Variants in ZBTB46 observed in about 807,000 individuals in gnomAD.
ZBTB46 encodes the protein zinc finger and BTB domain containing 46.
ZBTB46 carries 8 observed loss-of-function variants against 44.1 expected under a neutral mutation model. The ratio of observed to expected loss-of-function variants is 0.18; its 90% CI spans 0.11 to 0.33. The LOEUF is 0.33. Among genes scored for constraint, ZBTB46 ranks in the 10% least tolerant of loss-of-function variants. The pLI, the probability that ZBTB46 is intolerant of heterozygous loss-of-function variation, is 1.00. For missense variants in ZBTB46, 651 were observed against 847.7 expected, an observed-to-expected ratio of 0.77 and a Z score of 2.88; for synonymous variants, 409 against 382.3, an observed-to-expected ratio of 1.07 and a Z score of -0.81.
chr20:63,762,526 C>T (rs1285527144), intron 3 of ZBTB46, among the ~76,000 whole-genome samples: 3 of 151,954 alleles, frequency 2.0e-5, no homozygotes, highest in Admixed American at 6.6e-5. Flanking sequence ...TGGTGGCACG[C>T]GCCTGTACTG....
chr20:63,772,740 CA>C (rs1568850252), intron 3 of ZBTB46, among the ~76,000 whole-genome samples: 10 of 83,988 alleles, frequency 1.2e-4, no homozygotes, highest in African/African-American at 5.1e-4. Flanking sequence ...CACACACACA[CA>C]CACACACACA....
chr20:63,758,889 G>A (rs143281284), intron 3 of ZBTB46, among the ~76,000 whole-genome samples: 3,467 of 140,730 alleles, frequency 0.025, 117 homozygotes, highest in African/African-American at 0.087. Flanking sequence ...CCGCCACCAC[G>A]CCCGGCTAAT....
Position 63,800,974 on chromosome 20 carries a change from T to A in ZBTB46, c.-33-10184A>T, listed in dbSNP as rs1016594942. 3.3e-5 allele frequency among the ~76,000 whole-genome samples: 5 copies of A among 152,318 alleles called. No individual in the cohort carries two copies. In the Middle Eastern group the frequency reaches 0.017, roughly 518 times the overall value. On this transcript the variant is annotated intron_variant, in intron 1 of 4. Coordinates refer to ENST00000245663, the MANE Select transcript of ZBTB46 (RefSeq NM_001369741.1). Reference sequence around the variant, plus strand: ...CCTGCAGCCCCAGTGCCGGATCCACTCGGTGAAGACAGCTGGGCTCCTGAG... The same window carrying A: ...CCTGCAGCCCCAGTGCCGGATCCACACGGTGAAGACAGCTGGGCTCCTGAG...
rs930969125 is a variant in ZBTB46, at chr20:63,752,083, C to T, written c.1398+603G>A. Among the ~76,000 whole-genome samples, 5 of 152,104 alleles carry T rather than the reference C, an allele frequency of 3.3e-5. No homozygotes were observed. The highest frequency in any genetic ancestry group is 5.9e-5 in the Non-Finnish European group (4 of 68,014). ...CTCGGGGTGGGCGTTCCAGGACTCC[C>T]CGAACCCTTGGGGCCGCCCCGCTCT... On this transcript the variant is annotated intron_variant, in intron 4 of 4. Transcript: ENST00000245663. The surrounding 1 kb of genome is among the most constrained non-coding windows in gnomAD (Gnocchi z 5.6).
chr20:63,768,228 G>T, intron 3 of ZBTB46: 2 of 666,378 alleles, frequency 3.0e-6, no homozygotes, highest in Middle Eastern at 7.6e-4. Context: ...AATGAGAAAC[G>T]ACTCGTGTGG....
At chr20:63,805,500 G>T (rs1002375392) in intron 1 of ZBTB46, among the ~76,000 whole-genome samples, 1 of 152,116 alleles carries the variant, frequency 6.6e-6, no homozygotes, top group Non-Finnish European at 1.5e-5. Flanking sequence ...AGGAGAGAAG[G>T]TCATGTGACC....
intron 4 of ZBTB46, among the ~76,000 whole-genome samples, chr20:63,749,912 G>A (rs1210838740): frequency 6.6e-6 from 1 of 152,252 alleles, no homozygotes; most frequent in African/African-American, 2.4e-5. Context: ...GCCCTGGAAG[G>A]AAGCAAGAAG....
intron 4 of ZBTB46, among the ~76,000 whole-genome samples, chr20:63,748,205 T>C (rs2092123598): frequency 1.3e-5 from 2 of 152,060 alleles, no homozygotes; most frequent in Middle Eastern, 3.2e-3. Context: ...GAGGAGGAGG[T>C]GTGGCTGCCA....
At chr20:63,815,604 G>GGTGCA (rs2092746851) in intron 1 of ZBTB46, among the ~76,000 whole-genome samples, 1 of 149,158 alleles carries the variant, frequency 6.7e-6, no homozygotes, top group African/African-American at 2.5e-5. Flanking sequence ...AGTGGGTGCA[G>GGTGCA]GTGGGCACAG....
intron 1 of ZBTB46, among the ~76,000 whole-genome samples, chr20:63,806,420 A>AAAG (rs2092681961): frequency 6.9e-6 from 1 of 145,400 alleles, no homozygotes; most frequent in East Asian, 2.4e-4. Flanking sequence ...AAAAAAAAAA[A>AAAG]AAAGAAAGAA....
intron 1 of ZBTB46, among the ~76,000 whole-genome samples, chr20:63,830,238 A>G (rs1288167169): frequency 6.6e-6 from 1 of 152,204 alleles, no homozygotes; most frequent in Admixed American, 6.5e-5. Flanking sequence ...AACCCCAACT[A>G]GCAGGAGCCC....
At chr20:63,818,466 G>T (rs1045552826) in intron 1 of ZBTB46, among the ~76,000 whole-genome samples, 5 of 152,210 alleles carry the variant, frequency 3.3e-5, no homozygotes, top group African/African-American at 1.2e-4. Context: ...CGGACCCCCA[G>T]GGCATGTTCT....
At chr20:63,792,936 C>T (rs2145940397) in intron 1 of ZBTB46, among the ~76,000 whole-genome samples, 1 of 152,344 alleles carries the variant, frequency 6.6e-6, no homozygotes, top group Admixed American at 6.5e-5. Flanking sequence ...GGGCCATCCC[C>T]TCCTTGGATG....
intron 1 of ZBTB46, chr20:63,815,216 G>C: frequency 4.2e-6 from 1 of 239,906 alleles, no homozygotes; most frequent in South Asian, 3.9e-5. Flanking sequence ...GTGGGCACGA[G>C]TGCAAGTGCA....
chr20:63,764,029 T>A (rs762869630), intron 3 of ZBTB46, among the ~76,000 whole-genome samples: 6 of 151,886 alleles, frequency 4.0e-5, no homozygotes, highest in Admixed American at 1.3e-4. Flanking sequence ...AGTGCAGCAG[T>A]GCAGCCACAA....
chr20:63,822,004 C>T (rs1224031818), intron 1 of ZBTB46, among the ~76,000 whole-genome samples: 2 of 152,194 alleles, frequency 1.3e-5, no homozygotes, highest in African/African-American at 4.8e-5. Flanking sequence ...CCCAGCCAGT[C>T]ACTCAGCACA....
At chr20:63,822,989 C>T (rs1600727323) in intron 1 of ZBTB46, among the ~76,000 whole-genome samples, 1 of 102,770 alleles carries the variant, frequency 9.7e-6, no homozygotes, top group Non-Finnish European at 1.9e-5. Flanking sequence ...GGACAAACCC[C>T]GTCTGTACTA....
At position 63,803,737 on chromosome 20, in the gene ZBTB46, T is replaced by TCA. The variant is rs2145993794; in HGVS notation, c.-33-12949_-33-12948dup. Among the ~76,000 whole-genome samples the TCA allele has an allele frequency of 6.6e-6, 1 of 152,094 alleles. No homozygotes were observed. The highest frequency in any genetic ancestry group is 1.9e-4 in the East Asian group (1 of 5,180). ...TTCTTTTTGTTTTTGTAATGGGGTCTCACTCTGTCCCCCAGGCTGGAGTGC... is the reference window on the plus strand; with the variant it reads ...TTCTTTTTGTTTTTGTAATGGGGTCTCACACTCTGTCCCCCAGGCTGGAGTGC... On this transcript the variant is annotated intron_variant, in intron 1 of 4. Transcript: ENST00000245663. The surrounding 1 kb of genome is among the most constrained non-coding windows in gnomAD (Gnocchi z 4.0).
At position 63,746,654 on chromosome 20, in the gene ZBTB46, C is replaced by T. The variant is rs2092092232; in HGVS notation, c.*276G>A. 2.3e-6 allele frequency: 1 copy of T among 435,918 alleles called. No homozygotes were observed. Among genetic ancestry groups the T allele is most frequent in the Non-Finnish European group, 4.0e-6 (1 of 251,290 alleles). 27.0% of individuals were successfully genotyped at this position (435,918 alleles called of 1,614,324 possible). On this transcript the variant is annotated 3_prime_UTR_variant, in exon 5 of 5. Coordinates refer to ENST00000245663, the MANE Select transcript of ZBTB46 (RefSeq NM_001369741.1). The stretch of plus-strand genomic sequence containing the variant: ...ACAGGGGCCACTCACACACCCGCAC[C>T]ACCTGCTGGGGACTTAGGACCGTGC...
Sources: allele counts gnomAD v4.1 joint callset (sites outside exome capture counted in the v4.1 genomes callset), GRCh38; gene constraint gnomAD v4.1.1; non-coding constraint Gnocchi (gnomAD v3.1); transcripts MANE v1.5; gene names NCBI Gene and HGNC (gene_info 2026-07-23, HGNC 2026-07-21).